GPR63: variants seen among roughly 807,000 people sequenced by gnomAD.
The protein encoded by GPR63 is probable G protein-coupled receptor 63.
GPR63 carries 12 observed loss-of-function variants against 23.1 expected under a neutral mutation model. The observed-to-expected ratio is 0.52, with a 90% CI of 0.33 to 0.84. The LOEUF is 0.84. Ranked by LOEUF, GPR63 falls within the 40% of genes least tolerant of loss-of-function variation. The pLI, the probability that GPR63 is intolerant of heterozygous loss-of-function variation, is 0.02. For synonymous variants in GPR63, 172 were observed against 191.1 expected (o/e 0.90, Z 0.82); for missense variants, 472 against 515.6 (o/e 0.92, Z 0.82).
intron 1 of GPR63, among the ~76,000 whole-genome samples, chr6:96,800,694 CACTG>C (rs949124033): frequency 3.3e-5 from 5 of 152,092 alleles, no homozygotes; most frequent in African/African-American, 1.2e-4. Context: ...CTCCCAAGTC[CACTG>C]ACTTTCATCC....
chr6:96,804,068 C>G (rs1927593), intron 1 of GPR63, among the ~76,000 whole-genome samples: 100,324 of 152,092 alleles, frequency 0.66, 33,945 homozygotes, highest in African/African-American at 0.81. Context: ...CTCTCTTATT[C>G]CATCTACAGA....
chr6:96,799,878 T>C lies in GPR63; in HGVS notation c.-147A>G, dbSNP rs1400780236. On this transcript the variant is annotated 5_prime_UTR_variant, in exon 2 of 2. Coordinates refer to ENST00000229955, the MANE Select transcript of GPR63 (RefSeq NM_030784.4). ...AGTTCCATCTTCCACAAGAGTCCTT[T>C]TGCCTGAAAATAAAACCAAAACACA... 2.6e-6 allele frequency: 2 copies of C among 769,908 alleles called. No homozygotes were observed. Among genetic ancestry groups the C allele is most frequent in the African/African-American group, 3.5e-5 (2 of 56,908 alleles). The allele number at this position is 769,908 out of a possible 1,614,324, so 47.7% of individuals were successfully genotyped here.
At position 96,799,581 on chromosome 6, in the gene GPR63, T is replaced by C. The variant is rs1214668880; in HGVS notation, c.151A>G (p.Met51Val). The C allele has an allele frequency of 1.7e-5, 27 of 1,614,068 alleles. No individual in the cohort carries two copies. The highest frequency in any genetic ancestry group is 2.3e-5 in the Non-Finnish European group (27 of 1,180,042). ...AAGGAACTCAAACCAGTGGGAGCCA[T>C]GGTTTCAAAACTATATCTAAGCAAT... ...SPLLRYSFET[M>V]APTGLSSLTV... is the part of the protein sequence containing the mutation. The change falls in exon 2 of 2, where the codon ATG (methionine) becomes GTG (valine). Residue 51 changes from methionine to valine, a missense_variant. Transcript: ENST00000229955.
chr6:96,799,473 T>C lies in GPR63; in HGVS notation c.259A>G (p.Ile87Val), dbSNP rs2127941983. Reference protein sequence around the residue: ...NLPLQITLSAIMIFILFVSFL... With the variant: ...NLPLQITLSAVMIFILFVSFL... ...GACACAAACAGAATGAATATCATTA[T>C]AGCAGAAAGGGTGATCTGAAGAGGC... The change falls in exon 2 of 2, where the codon ATA becomes GTA. Residue 87 changes from isoleucine to valine, a missense_variant. Physicochemically the swap from Ile to Val is conservative, Grantham distance 29. Coordinates refer to ENST00000229955, the MANE Select transcript of GPR63 (RefSeq NM_030784.4). 3.1e-6 allele frequency: 5 copies of C among 1,614,150 alleles called. No homozygotes were observed. Among genetic ancestry groups the C allele is most frequent in the African/African-American group, 1.3e-5 (1 of 75,034 alleles).
At chr6:96,819,740 A>C (rs2127955039) in intron 1 of GPR63, among the ~76,000 whole-genome samples, 1 of 151,868 alleles carries the variant, frequency 6.6e-6, no homozygotes, top group East Asian at 1.9e-4. Context: ...AAAAACAAAA[A>C]AACAAAAAAA....
intron 1 of GPR63, among the ~76,000 whole-genome samples, chr6:96,828,249 GC>G (rs1325787793): frequency 6.6e-6 from 1 of 151,962 alleles, no homozygotes; most frequent in African/African-American, 2.4e-5. Flanking sequence ...ATCTTACATG[GC>G]CTTCCCTCTG....
In GPR63 at chr6:96,798,664, T is replaced by C. The variant is rs775253743; in HGVS notation, c.1068A>G (p.Leu356=). The C allele has an allele frequency of 3.1e-6, 5 of 1,614,124 alleles. No individual in the cohort carries two copies. The Admixed American group carries it at 6.7e-5, about 22-fold the overall frequency. Residue 356 remains leucine, a synonymous_variant, in exon 2 of 2, where the codon CTA becomes CTG. Coordinates refer to ENST00000229955, the MANE Select transcript of GPR63 (RefSeq NM_030784.4). The part of the protein sequence containing the change: ...QHNFFEISTW[L]LWLCYLKSAL... ...CAGACTTGAGGTAGCAGAGCCACAG[T>C]AGCCAGGTGCTAATCTCAAAAAAGT...
intron 1 of GPR63, among the ~76,000 whole-genome samples, chr6:96,816,389 G>T (rs1208697553): frequency 1.3e-5 from 2 of 152,108 alleles, no homozygotes; most frequent in Non-Finnish European, 2.9e-5. Context: ...AACATTCCTA[G>T]AGAGCCTTAA....
Position 96,814,967 on chromosome 6 carries a change from C to T in GPR63, c.-150-15086G>A, listed in dbSNP as rs1411657521. Among the ~76,000 whole-genome samples the T allele has an allele frequency of 2.6e-5, 4 of 152,176 alleles. No individual in the cohort carries two copies. In the East Asian group the frequency reaches 7.7e-4, roughly 29 times the overall value. ...TCAGACACAATTTTCATACTGCTGACTAAAAAATTAAACTGTTTAGATGAT... is the reference window on the plus strand; with the variant it reads ...TCAGACACAATTTTCATACTGCTGATTAAAAAATTAAACTGTTTAGATGAT... On this transcript the variant is annotated intron_variant, in intron 1 of 1. Coordinates refer to ENST00000229955, the MANE Select transcript of GPR63 (RefSeq NM_030784.4).
intron 1 of GPR63, among the ~76,000 whole-genome samples, chr6:96,810,709 T>C (rs1445438819): frequency 6.6e-6 from 1 of 152,120 alleles, no homozygotes; most frequent in Non-Finnish European, 1.5e-5. Context: ...TGTATATGCA[T>C]ATACATGTAT....
chr6:96,805,973 T>C (rs921770808), intron 1 of GPR63, among the ~76,000 whole-genome samples: 11 of 152,336 alleles, frequency 7.2e-5, no homozygotes, highest in Non-Finnish European at 1.6e-4. Flanking sequence ...TACATGGCTA[T>C]TGATCTGTCA....
At chr6:96,824,362 C>T (rs1160309878) in intron 1 of GPR63, among the ~76,000 whole-genome samples, 1 of 152,016 alleles carries the variant, frequency 6.6e-6, no homozygotes, top group Admixed American at 6.6e-5. Context: ...AAAGACTCTA[C>T]TGAATCCTGC....
chr6:96,817,282 C>T (rs1774189267), intron 1 of GPR63, among the ~76,000 whole-genome samples: 1 of 152,158 alleles, frequency 6.6e-6, no homozygotes, highest in African/African-American at 2.4e-5. Context: ...CCTCAACACT[C>T]ATCAGGGAGA....
chr6:96,807,015 A>G (rs1773912704), intron 1 of GPR63, among the ~76,000 whole-genome samples: 1 of 152,256 alleles, frequency 6.6e-6, no homozygotes, highest in South Asian at 2.1e-4. Flanking sequence ...CCAGTGGGCA[A>G]CATTTTGAAT....
At chr6:96,802,706 A>T (rs1186060326) in intron 1 of GPR63, among the ~76,000 whole-genome samples, 2 of 144,746 alleles carry the variant, frequency 1.4e-5, no homozygotes, top group African/African-American at 5.1e-5. Context: ...TGCCCAGCTA[A>T]TTTTTTTTTT....
In GPR63 at chr6:96,798,426, T is replaced by A. The variant is rs1055803371; in HGVS notation, c.*46A>T. 1.9e-6 allele frequency: 3 copies of A among 1,576,226 alleles called. No individual in the cohort carries two copies. Among genetic ancestry groups the A allele is most frequent in the Non-Finnish European group, 1.7e-6 (2 of 1,160,310 alleles). On this transcript the variant is annotated 3_prime_UTR_variant, in exon 2 of 2. Coordinates refer to ENST00000229955, the MANE Select transcript of GPR63 (RefSeq NM_030784.4). ...AGGCTATGAGAAAGAGAATTCAATGTCAATAAAGAACAAGCATCACCCAAA... is the reference window on the plus strand; with the variant it reads ...AGGCTATGAGAAAGAGAATTCAATGACAATAAAGAACAAGCATCACCCAAA...
At chr6:96,833,009 G>A (rs938547765) in intron 1 of GPR63, among the ~76,000 whole-genome samples, 1 of 152,110 alleles carries the variant, frequency 6.6e-6, no homozygotes, top group African/African-American at 2.4e-5. Flanking sequence ...AAGAAGTGCT[G>A]AGTAGGAACA....
At chr6:96,834,005 A>G (rs1774657740) in intron 1 of GPR63, among the ~76,000 whole-genome samples, 1 of 152,172 alleles carries the variant, frequency 6.6e-6, no homozygotes, top group African/African-American at 2.4e-5. Context: ...CTAACTCTTC[A>G]TTATGTTTAT....
At chr6:96,833,929 C>T (rs1457784800) in intron 1 of GPR63, among the ~76,000 whole-genome samples, 2 of 152,052 alleles carry the variant, frequency 1.3e-5, no homozygotes, top group Non-Finnish European at 2.9e-5. Flanking sequence ...CACTAGATTG[C>T]CCCCATACCT....
Sources: gnomAD v4.1 joint callset for allele counts (sites outside exome capture counted in the v4.1 genomes callset) on GRCh38, gnomAD v4.1.1 for gene constraint, MANE v1.5 for transcripts, NCBI Gene and HGNC (gene_info 2026-07-23, HGNC 2026-07-21) for gene names.